The following BICRA variants were observed in gnomAD, a reference collection of about 807,000 sequenced individuals.
BICRA encodes BRD4-interacting chromatin-remodeling complex-associated protein.
BICRA carries 31 observed loss-of-function variants against 96.9 expected under a neutral mutation model. The ratio of observed to expected loss-of-function variants is 0.32; its 90% confidence interval spans 0.24 to 0.43. The LOEUF (loss-of-function observed/expected upper bound fraction) is 0.43. BICRA is among the 20% of genes least tolerant of loss of function. BICRA has a pLI of 1.00. For missense variants in BICRA, 2,283 were observed against 2,190.3 expected (o/e 1.04, Z -0.84); for synonymous variants, 1,350 against 1,071.8 (o/e 1.26, Z -5.07).
At chr19:47,629,896 G>A (rs930403387) in intron 1 of BICRA, among the ~76,000 whole-genome samples, 2 of 152,112 alleles carry the variant, frequency 1.3e-5, no homozygotes, top group African/African-American at 4.8e-5. Context: ...GACCTCAGGT[G>A]ATCCACCCGC....
At chr19:47,690,852 T>A (rs930058366) in intron 7 of BICRA, among the ~76,000 whole-genome samples, 2 of 150,904 alleles carry the variant, frequency 1.3e-5, no homozygotes, top group African/African-American at 5.0e-5. Context: ...TTTTTTTAAT[T>A]TTTTGGTATC....
intron 7 of BICRA, among the ~76,000 whole-genome samples, chr19:47,683,831 G>A (rs540608390): frequency 1.3e-4 from 20 of 152,254 alleles, no homozygotes; most frequent in African/African-American, 4.3e-4. Context: ...TTATCCACCC[G>A]CCTCAGCCTC....
rs547108287 is a variant in BICRA at position 47,695,689 on chromosome 19, G to A, written c.3186+215G>A. Among the ~76,000 whole-genome samples, 4 of 152,276 alleles carry A rather than the reference G, an allele frequency of 2.6e-5. No individual in the cohort carries two copies. In the East Asian group the frequency reaches 7.7e-4, roughly 29 times the overall value. ...GAGATGAGGGAGAAACACGGAGACG[G>A]TGGGACGGAGACGGCACCAAGACTA... On this transcript the variant is annotated intron_variant, in intron 10 of 14. Coordinates refer to ENST00000594866, the MANE Select transcript of BICRA (RefSeq NM_001394372.1).
chr19:47,647,890 C>G (rs1455891957), intron 1 of BICRA, among the ~76,000 whole-genome samples: 1 of 133,296 alleles, frequency 7.5e-6, no homozygotes, highest in Non-Finnish European at 1.6e-5. Flanking sequence ...GACCGTAGTT[C>G]GCGGGGGGAG....
chr19:47,682,089 C>T lies in BICRA; in HGVS notation c.2220C>T (p.Ala740=). ...ACCCAGCCCCAGCCACCCCCGTCGCCAAAGGAGCTGGCCTCGGCCCTCAGG... is the reference window on the plus strand; with the variant it reads ...ACCCAGCCCCAGCCACCCCCGTCGCTAAAGGAGCTGGCCTCGGCCCTCAGG... The part of the protein sequence containing the change: ...AQDPAPATPV[A]KGAGLGPQAP... Residue 740 remains alanine, a synonymous_variant, in exon 7 of 15, where the codon GCC becomes GCT. Coordinates refer to ENST00000594866, the MANE Select transcript of BICRA (RefSeq NM_001394372.1). 1 of 1,526,132 alleles carries T rather than the reference C, an allele frequency of 6.6e-7. No individual in the cohort carries two copies. Among genetic ancestry groups the T allele is most frequent in the Non-Finnish European group, 8.9e-7 (1 of 1,125,836 alleles). The allele number at this position is 1,526,132 out of a possible 1,614,324, so 94.5% of individuals were successfully genotyped here.
At chr19:47,612,683 A>G (rs900581289) in intron 1 of BICRA, among the ~76,000 whole-genome samples, 3 of 149,236 alleles carry the variant, frequency 2.0e-5, no homozygotes, top group African/African-American at 7.4e-5. Flanking sequence ...CACCCAGTGT[A>G]GGAGGTAATA....
At chr19:47,660,259 A>G (rs1972685449) in intron 1 of BICRA, among the ~76,000 whole-genome samples, 1 of 152,068 alleles carries the variant, frequency 6.6e-6, no homozygotes, top group Non-Finnish European at 1.5e-5. Flanking sequence ...GCCACGTGAC[A>G]TTAAGCTTTG....
chr19:47,688,414 A>G, intron 7 of BICRA, among the ~76,000 whole-genome samples: 1 of 152,128 alleles, frequency 6.6e-6, no homozygotes. Context: ...GTGCTCATTT[A>G]GAGAATGTAG....
chr19:47,628,980 TTCA>T (rs1393724499), intron 1 of BICRA, among the ~76,000 whole-genome samples: 1 of 151,924 alleles, frequency 6.6e-6, no homozygotes, highest in East Asian at 1.9e-4. Context: ...CCAGAGCTTT[TTCA>T]TCTTGCCCAA....
In BICRA at chr19:47,679,907, A is replaced by G. The variant is rs554373486; in HGVS notation, c.737A>G (p.Asn246Ser). 6.6e-7 allele frequency: 1 copy of G among 1,522,068 alleles called. No homozygotes were observed. The highest frequency in any genetic ancestry group is 1.2e-5 in the South Asian group (1 of 82,536). The allele number at this position is 1,522,068 out of a possible 1,614,324, so 94.3% of individuals were successfully genotyped here. ...QVVGQPVMAL[N>S]TPTSQLLAKQ... is the part of the protein sequence containing the mutation. ...GTGGGCCAGCCCGTCATGGCGCTCA[A>G]CACGCCCACCTCCCAGCTCCTGGCC... Residue 246 changes from asparagine to serine, a missense_variant, in exon 6 of 15, where the codon AAC (asparagine) becomes AGC (serine). Asn to Ser is a conservative substitution (Grantham distance 46). Coordinates refer to ENST00000594866, the MANE Select transcript of BICRA (RefSeq NM_001394372.1).
At chr19:47,611,428 C>T (rs554519395) in intron 1 of BICRA, among the ~76,000 whole-genome samples, 6 of 152,230 alleles carry the variant, frequency 3.9e-5, no homozygotes, top group South Asian at 4.1e-4. Flanking sequence ...GAGCCCCAGG[C>T]CTGGCCAGTG....
rs769077262 is a variant in BICRA, at chr19:47,698,584, C to T, written c.3249-50C>T. Reference sequence around the variant, plus strand: ...TCAGGGACTTCCCCTGGCCCTCACCCGTCCCCCCCACCCTCCGCCGTGTGT... The same window carrying T: ...TCAGGGACTTCCCCTGGCCCTCACCTGTCCCCCCCACCCTCCGCCGTGTGT... On this transcript the variant is annotated intron_variant, in intron 11 of 14. Coordinates refer to ENST00000594866, the MANE Select transcript of BICRA (RefSeq NM_001394372.1). The surrounding 1 kb of genome is among the most constrained non-coding windows in gnomAD (Gnocchi z 4.8). 2 of 785,676 alleles carry T rather than the reference C, an allele frequency of 2.5e-6. No homozygotes were observed. The highest frequency in any genetic ancestry group is 1.4e-5 in the South Asian group (1 of 69,350). The allele number at this position is 785,676 out of a possible 1,614,324, so 48.7% of individuals were successfully genotyped here. A position where few individuals can be genotyped will look rare whatever the true frequency, so the allele number is the denominator to read the frequency against.
At chr19:47,666,696 C>T (rs1163146289) in intron 1 of BICRA, among the ~76,000 whole-genome samples, 11 of 152,092 alleles carry the variant, frequency 7.2e-5, no homozygotes, top group East Asian at 1.9e-4. Flanking sequence ...CTCAGCCTCC[C>T]GAGTAGATTG....
At chr19:47,683,128 T>C (rs1178358219) in intron 7 of BICRA, among the ~76,000 whole-genome samples, 3 of 152,210 alleles carry the variant, frequency 2.0e-5, no homozygotes, top group Non-Finnish European at 4.4e-5. Context: ...ATGTATGTCG[T>C]TTTGTAGGGT....
intron 1 of BICRA, among the ~76,000 whole-genome samples, chr19:47,620,880 G>A (rs947466905): frequency 2.1e-4 from 32 of 151,938 alleles, no homozygotes; most frequent in African/African-American, 6.8e-4. Flanking sequence ...GGCCTCTTCC[G>A]GCAGCAGCAG....
intron 7 of BICRA, among the ~76,000 whole-genome samples, chr19:47,690,496 T>G (rs1973224884): frequency 6.6e-6 from 1 of 152,154 alleles, no homozygotes; most frequent in African/African-American, 2.4e-5. Flanking sequence ...GACATAGGCT[T>G]TATTCCTAAT....
chr19:47,698,923 C>T lies in BICRA; in HGVS notation c.3398-42C>T, dbSNP rs1308122069. On this transcript the variant is annotated intron_variant, in intron 12 of 14. Transcript: ENST00000594866. The surrounding 1 kb of genome is among the most constrained non-coding windows in gnomAD (Gnocchi z 4.8). The stretch of plus-strand genomic sequence containing the variant: ...CCTCCTTCCTGCGCATCCGCGGCCG[C>T]CCCCAACATCTCCGCCCTTGCCTCT... The T allele has an allele frequency of 2.7e-6, 4 of 1,471,410 alleles. No homozygotes were observed. The highest frequency in any genetic ancestry group is 3.7e-6 in the Non-Finnish European group (4 of 1,071,966). The allele number at this position is 1,471,410 out of a possible 1,614,324, so 91.1% of individuals were successfully genotyped here. A position where few individuals can be genotyped will look rare whatever the true frequency, so the allele number is the denominator to read the frequency against.
rs1218305680 is a variant in BICRA at position 47,679,856 on chromosome 19, C to T, written c.686C>T (p.Thr229Ile). 12 of 1,506,272 alleles carry T rather than the reference C, an allele frequency of 8.0e-6. No homozygotes were observed. Among genetic ancestry groups the T allele is most frequent in the South Asian group, 1.3e-5 (1 of 79,558 alleles). 93.3% of individuals were successfully genotyped at this position (1,506,272 alleles called of 1,614,324 possible). The change falls in exon 6 of 15, where the codon ACA becomes ATA. Residue 229 changes from threonine to isoleucine, a missense_variant. Coordinates refer to ENST00000594866, the MANE Select transcript of BICRA (RefSeq NM_001394372.1). Reference sequence around the variant, plus strand: ...AGCCCTGGGGGTGCCACGGCGGCCACACTGGGCCTGGCGCCCATCCAGGTG... The same window carrying T: ...AGCCCTGGGGGTGCCACGGCGGCCATACTGGGCCTGGCGCCCATCCAGGTG... ...NGSPGGATAA[T>I]LGLAPIQVVG...
rs1973493014 is a variant in BICRA at position 47,702,909 on chromosome 19, C to A, written c.*494C>A. 2 of 181,054 alleles carry A rather than the reference C, an allele frequency of 1.1e-5. No individual in the cohort carries two copies. Among genetic ancestry groups the A allele is most frequent in the South Asian group, 1.2e-4 (1 of 8,232 alleles). 11.2% of individuals were successfully genotyped at this position (181,054 alleles called of 1,614,324 possible). A position where few individuals can be genotyped will look rare whatever the true frequency, so the allele number is the denominator to read the frequency against. On this transcript the variant is annotated 3_prime_UTR_variant, in exon 15 of 15. Coordinates refer to ENST00000594866, the MANE Select transcript of BICRA (RefSeq NM_001394372.1). ...AAAACCGGAGAGGGGGTGGGGGAGC[C>A]AGCCTCCCAGCGTGCTGTGCCCGCA...
Sources: allele counts gnomAD v4.1 joint callset (sites outside exome capture counted in the v4.1 genomes callset), GRCh38; gene constraint gnomAD v4.1.1; non-coding constraint Gnocchi (gnomAD v3.1); transcripts MANE v1.5; gene names NCBI Gene and HGNC (gene_info 2026-07-23, HGNC 2026-07-21).